TAFA1: variants seen among roughly 807,000 people sequenced by gnomAD.
TAFA1 encodes chemokine-like protein TAFA-1.
TAFA1 carries 4 observed loss-of-function variants against 18.5 expected under a neutral mutation model. The observed-to-expected ratio is 0.22, with a 90% confidence interval of 0.11 to 0.49. The LOEUF (loss-of-function observed/expected upper bound fraction) is 0.49, where lower values mean the gene tolerates loss of function less well. Among genes scored for constraint, TAFA1 ranks in the 20% least tolerant of loss-of-function variants. TAFA1 has a pLI of 0.98. For synonymous variants in TAFA1, 56 were observed against 55.2 expected (o/e 1.01, Z -0.06); for missense variants, 147 against 169.0 (o/e 0.87, Z 0.72).
Position 68,521,856 on chromosome 3 carries a change from G to GTTTTTTTTTTTTTTTTTTTTTTTTTTTT in TAFA1, c.260-16880_260-16879insTTTTTTTTTTTTTTTTTTTTTTTTTTTT, listed in dbSNP as rs57372768. The stretch of plus-strand genomic sequence containing the variant: ...TCTGGGTTTTTCTGTGTTTTTTTCT[G>GTTTTTTTTTTTTTTTTTTTTTTTTTTTT]TTTTTTTTTTTTTTTTTTTTGGAGA... On this transcript the variant is annotated intron_variant, in intron 3 of 4. Coordinates refer to ENST00000478136, the MANE Select transcript of TAFA1 (RefSeq NM_213609.4). 8.5e-4 allele frequency among the ~76,000 whole-genome samples: 60 copies of GTTTTTTTTTTTTTTTTTTTTTTTTTTTT among 70,858 alleles called. 4 individuals are homozygous for GTTTTTTTTTTTTTTTTTTTTTTTTTTTT. The highest frequency in any genetic ancestry group is 1.5e-3 in the South Asian group (2 of 1,330). The allele number at this position is 70,858 out of a possible 152,430, so 46.5% of individuals were successfully genotyped here.
the TAFA1 span, among the ~76,000 whole-genome samples, chr3:67,996,281 A>C: frequency 2.0e-5 from 3 of 152,316 alleles, no homozygotes; most frequent in South Asian, 6.2e-4. Flanking sequence ...TTAGGTTGGA[A>C]ATAGGTGTGG....
intron 2 of TAFA1, among the ~76,000 whole-genome samples, chr3:68,307,415 A>G (rs1481092562): frequency 6.6e-6 from 1 of 152,204 alleles, no homozygotes; most frequent in African/African-American, 2.4e-5. Context: ...ATCACCAGGT[A>G]TATAAATACA....
At chr3:68,080,126 G>C (rs1223705374) in intron 2 of TAFA1, among the ~76,000 whole-genome samples, 1 of 152,078 alleles carries the variant, frequency 6.6e-6, no homozygotes, top group Non-Finnish European at 1.5e-5. Flanking sequence ...CCAGAGACTA[G>C]GATTGCAACC....
chr3:68,261,455 T>C (rs1351243543), intron 2 of TAFA1, among the ~76,000 whole-genome samples: 2 of 152,136 alleles, frequency 1.3e-5, no homozygotes, highest in South Asian at 2.1e-4. Flanking sequence ...GCTATAAAGA[T>C]ACATGCACAT....
chr3:68,127,577 GGTA>G (rs1358928972), intron 2 of TAFA1, among the ~76,000 whole-genome samples: 20 of 2,682 alleles, frequency 7.5e-3, no homozygotes, highest in East Asian at 0.016. Flanking sequence ...TGGTAGTGGT[GGTA>G]GTGATGGTAG....
intron 2 of TAFA1, among the ~76,000 whole-genome samples, chr3:68,378,643 C>G (rs919520795): frequency 6.6e-6 from 1 of 152,058 alleles, no homozygotes. Flanking sequence ...TTGGGAGGGT[C>G]TAAGAGCAGG....
intron 3 of TAFA1, among the ~76,000 whole-genome samples, chr3:68,432,071 A>G (rs2071185895): frequency 6.6e-6 from 1 of 151,924 alleles, no homozygotes; most frequent in Admixed American, 6.6e-5. Flanking sequence ...TATTATTTTA[A>G]CCACCAGGGC....
At chr3:68,487,564 G>A (rs1197547726) in intron 3 of TAFA1, among the ~76,000 whole-genome samples, 1 of 151,780 alleles carries the variant, frequency 6.6e-6, no homozygotes, top group African/African-American at 2.4e-5. Context: ...TGGCTAACAC[G>A]GTGAAACCCT....
At chr3:68,501,346 G>C (rs929004415) in intron 3 of TAFA1, among the ~76,000 whole-genome samples, 1 of 151,998 alleles carries the variant, frequency 6.6e-6, no homozygotes, top group African/African-American at 2.4e-5. Flanking sequence ...CATAACCGAG[G>C]CTTGACAGAA....
At chr3:68,539,401 T>C (rs28435803) in intron 4 of TAFA1, among the ~76,000 whole-genome samples, 62,747 of 151,544 alleles carry the variant, frequency 0.41, 14,404 homozygotes, top group African/African-American at 0.62. Context: ...TAAATAACAA[T>C]CTTCAGGGTG....
chr3:68,273,315 G>A (rs542897144), intron 2 of TAFA1, among the ~76,000 whole-genome samples: 1 of 152,172 alleles, frequency 6.6e-6, no homozygotes, highest in Non-Finnish European at 1.5e-5. Flanking sequence ...CGGGGACAGT[G>A]GTAGAAGTTG....
chr3:68,533,347 G>A (rs1185954576), intron 3 of TAFA1, among the ~76,000 whole-genome samples: 5 of 152,072 alleles, frequency 3.3e-5, no homozygotes, highest in Non-Finnish European at 7.4e-5. Context: ...ATAAAACCAT[G>A]AGATCTCATG....
intron 2 of TAFA1, among the ~76,000 whole-genome samples, chr3:68,094,042 C>A (rs1331993104): frequency 6.6e-6 from 1 of 152,090 alleles, no homozygotes; most frequent in Admixed American, 6.6e-5. Context: ...ATTTGACAGT[C>A]AACATGTATA....
intron 2 of TAFA1, among the ~76,000 whole-genome samples, chr3:68,131,236 C>T (rs2065532586): frequency 6.6e-6 from 1 of 152,032 alleles, no homozygotes; most frequent in Admixed American, 6.6e-5. Flanking sequence ...TATTATAATT[C>T]CTCTCAGATC....
intron 2 of TAFA1, among the ~76,000 whole-genome samples, chr3:68,412,873 G>A (rs1355276654): frequency 6.6e-6 from 1 of 151,960 alleles, no homozygotes; most frequent in Non-Finnish European, 1.5e-5. Flanking sequence ...ATGATTTATA[G>A]TCCTTTGGGT....
rs539566404 is a variant in TAFA1 at position 68,510,577 on chromosome 3, G to A, written c.260-28179G>A. The stretch of plus-strand genomic sequence containing the variant: ...AAAGCCTGAGCTGTAAGTCTCGGCT[G>A]CCTATGTAGCCAACAGTCCACACAA... On this transcript the variant is annotated intron_variant, in intron 3 of 4. Transcript: ENST00000478136. Among the ~76,000 whole-genome samples the A allele has an allele frequency of 5.3e-5, 8 of 152,248 alleles. No individual in the cohort carries two copies. In the East Asian group the frequency reaches 1.4e-3, roughly 26 times the overall value.
At position 68,317,511 on chromosome 3, in the gene TAFA1, A is replaced by C. The variant is rs78544500; in HGVS notation, c.119-99769A>C. 4.8e-3 allele frequency among the ~76,000 whole-genome samples: 727 copies of C among 152,312 alleles called. 7 individuals are homozygous for C. The highest frequency in any genetic ancestry group is 0.016 in the African/African-American group (681 of 41,568). ...CTTAAAATGCCTATAAGGAAGTGAC[A>C]CACAACACTTCCACCCACATCCCAT... On this transcript the variant is annotated intron_variant, in intron 2 of 4. Transcript: ENST00000478136.
intron 2 of TAFA1, among the ~76,000 whole-genome samples, chr3:68,115,820 A>G (rs1001870464): frequency 1.3e-5 from 2 of 152,198 alleles, no homozygotes; most frequent in African/African-American, 2.4e-5. Context: ...AGCCTGCTCA[A>G]TGTAACTAGG....
intron 2 of TAFA1, among the ~76,000 whole-genome samples, chr3:68,164,630 CGTGTGTGTGTGTGT>C (rs1306831109): frequency 2.7e-5 from 4 of 146,718 alleles, no homozygotes; most frequent in African/African-American, 1.0e-4. Flanking sequence ...CCTTTTGCAA[CGTGTGTGTGTGTGT>C]GTGTGTGTGT....
Sources: allele counts gnomAD v4.1 joint callset (sites outside exome capture counted in the v4.1 genomes callset), GRCh38; gene constraint gnomAD v4.1.1; transcripts MANE v1.5; gene names NCBI Gene and HGNC (gene_info 2026-07-23, HGNC 2026-07-21).